STX8: variants seen among roughly 807,000 people sequenced by gnomAD.
STX8 encodes syntaxin-8.
A neutral mutation model predicts 37.5 loss-of-function variants in STX8; 23 were observed. The observed-to-expected ratio is 0.61, with a 90% CI of 0.44 to 0.87. The LOEUF (loss-of-function observed/expected upper bound fraction) is 0.87, where lower values mean the gene tolerates loss of function less well. STX8 is among the 40% of genes least tolerant of loss of function. The pLI is 0.00. For synonymous variants in STX8, 115 were observed against 99.1 expected (o/e 1.16, Z -0.95); for missense variants, 313 against 284.7 (o/e 1.10, Z -0.71).
At chr17:9,560,288 C>T (rs1273711193) in intron 2 of STX8, among the ~76,000 whole-genome samples, 9 of 146,524 alleles carry the variant, frequency 6.1e-5, no homozygotes, top group Non-Finnish European at 1.5e-5. Flanking sequence ...ATCTCAGTTA[C>T]TGGGGAGGCT....
rs118093557 is a variant in STX8, at chr17:9,304,190, G to A, written c.644-53545C>T. Among the ~76,000 whole-genome samples, 320 of 152,074 alleles carry A rather than the reference G, an allele frequency of 2.1e-3. 1 individual carries two copies. The East Asian group carries it at 0.021, about 10-fold the overall frequency. On this transcript the variant is annotated intron_variant, in intron 7 of 7. Coordinates refer to ENST00000306357, the MANE Select transcript of STX8 (RefSeq NM_004853.3). ...AAATGGTCATTAAAATATATCCAAAGGTATTCTATTTCACTCATAAGAAAA... is the reference window on the plus strand; with the variant it reads ...AAATGGTCATTAAAATATATCCAAAAGTATTCTATTTCACTCATAAGAAAA...
intron 7 of STX8, among the ~76,000 whole-genome samples, chr17:9,323,997 T>A (rs1360978043): frequency 6.6e-6 from 1 of 152,064 alleles, no homozygotes; most frequent in Non-Finnish European, 1.5e-5. Context: ...TATTTGTGGA[T>A]CTGACATCAT....
intron 7 of STX8, among the ~76,000 whole-genome samples, chr17:9,258,385 C>T (rs1005741222): frequency 1.3e-5 from 2 of 152,250 alleles, no homozygotes; most frequent in Non-Finnish European, 2.9e-5. Context: ...AGCGTATTTA[C>T]ATTCTGATTT....
intron 6 of STX8, among the ~76,000 whole-genome samples, chr17:9,467,615 CATGAAGGTGACCAAACCA>C (rs1905670536): frequency 6.6e-6 from 1 of 152,146 alleles, no homozygotes; most frequent in South Asian, 2.1e-4. Context: ...AAAAGAACAC[CATGAAGGTGACCAAACCA>C]TGGCTTCCAT....
At chr17:9,308,787 C>G (rs1486188145) in intron 7 of STX8, among the ~76,000 whole-genome samples, 1 of 149,036 alleles carries the variant, frequency 6.7e-6, no homozygotes, top group Non-Finnish European at 1.5e-5. Flanking sequence ...GAAAGGGAAG[C>G]AGGAGAAGGT....
chr17:9,492,460 C>T (rs111962405), intron 5 of STX8, among the ~76,000 whole-genome samples: 60 of 152,268 alleles, frequency 3.9e-4, no homozygotes, highest in African/African-American at 1.4e-3. Flanking sequence ...GTTTTACTGA[C>T]GGCCGTATTT....
At chr17:9,503,964 A>C (rs1182197231) in intron 5 of STX8, among the ~76,000 whole-genome samples, 2 of 151,898 alleles carry the variant, frequency 1.3e-5, no homozygotes, top group African/African-American at 4.8e-5. Flanking sequence ...GCGTTTCACC[A>C]TGTTGGCCAG....
chr17:9,531,821 GT>G (rs5819234), intron 4 of STX8, among the ~76,000 whole-genome samples: 39,610 of 147,408 alleles, frequency 0.27, 5,244 homozygotes, highest in African/African-American at 0.31. Flanking sequence ...CAGATTTCAT[GT>G]TTTTTTTTTT....
At chr17:9,293,908 C>T (rs1245835937) in intron 7 of STX8, among the ~76,000 whole-genome samples, 4 of 150,308 alleles carry the variant, frequency 2.7e-5, no homozygotes, top group African/African-American at 9.9e-5. Context: ...ACTACAGGCA[C>T]CCGCCACCAC....
chr17:9,340,303 T>C (rs1052406433), intron 7 of STX8, among the ~76,000 whole-genome samples: 1 of 152,214 alleles, frequency 6.6e-6, no homozygotes, highest in African/African-American at 2.4e-5. Context: ...CTCTGAGCAA[T>C]TAATAGCCCT....
chr17:9,466,726 G>T (rs1905627531), intron 6 of STX8, among the ~76,000 whole-genome samples: 2 of 152,094 alleles, frequency 1.3e-5, no homozygotes, highest in Admixed American at 6.6e-5. Flanking sequence ...GCCTGGCAGG[G>T]TTACCAGGAC....
rs141845043 is a variant in STX8 at position 9,522,004 on chromosome 17, A to G, written c.324-16842T>C. Among the ~76,000 whole-genome samples the G allele has an allele frequency of 2.9e-3, 439 of 152,320 alleles. 3 individuals are homozygous for G. The highest frequency in any genetic ancestry group is 1.0e-2 in the African/African-American group (415 of 41,572). On this transcript the variant is annotated intron_variant, in intron 4 of 7. Transcript: ENST00000306357. Reference sequence around the variant, plus strand: ...AAAACCTTGATGAAACAGTTCACAGAAGAATAGAAATACAGGGTAGAAAAG... The same window carrying G: ...AAAACCTTGATGAAACAGTTCACAGGAGAATAGAAATACAGGGTAGAAAAG...
At chr17:9,478,356 G>GAACTCCTGACCTCAGGTGATCTGCCCTCC (rs1567577947) in intron 6 of STX8, among the ~76,000 whole-genome samples, 1 of 151,994 alleles carries the variant, frequency 6.6e-6, no homozygotes, top group Non-Finnish European at 1.5e-5. Flanking sequence ...GGCTGGTCTC[G>GAACTCCTGACCTCAGGTGATCTGCCCTCC]AACTCCTGAC....
chr17:9,370,385 A>G (rs929334136), intron 7 of STX8, among the ~76,000 whole-genome samples: 1 of 152,096 alleles, frequency 6.6e-6, no homozygotes, highest in Non-Finnish European at 1.5e-5. Context: ...AGACTTAGAG[A>G]GGGCAAGCAG....
chr17:9,498,448 T>C (rs956490496), intron 5 of STX8, among the ~76,000 whole-genome samples: 4 of 151,776 alleles, frequency 2.6e-5, no homozygotes, highest in Non-Finnish European at 5.9e-5. Flanking sequence ...AGTTAATCAC[T>C]ATGTTAGAAG....
intron 6 of STX8, among the ~76,000 whole-genome samples, chr17:9,397,392 G>C (rs533441575): frequency 6.6e-6 from 1 of 152,042 alleles, no homozygotes; most frequent in Non-Finnish European, 1.5e-5. Flanking sequence ...GCAAGACTCC[G>C]TGTTGAAAAA....
chr17:9,287,021 T>C (rs548074490), intron 7 of STX8, among the ~76,000 whole-genome samples: 1 of 152,254 alleles, frequency 6.6e-6, no homozygotes, highest in South Asian at 2.1e-4. Context: ...CATGTGTTGA[T>C]TTCACGTGGG....
intron 7 of STX8, among the ~76,000 whole-genome samples, chr17:9,267,461 A>G (rs1907270323): frequency 6.6e-6 from 1 of 152,126 alleles, no homozygotes; most frequent in Admixed American, 6.6e-5. Flanking sequence ...TCAGTGCTCA[A>G]TGCTGCCCAT....
At chr17:9,256,491 G>A (rs930512570) in intron 7 of STX8, among the ~76,000 whole-genome samples, 5 of 152,166 alleles carry the variant, frequency 3.3e-5, no homozygotes, top group South Asian at 4.1e-4. Flanking sequence ...GAGCCCATCC[G>A]TCAGCTTTCG....
Sources: gnomAD v4.1 joint callset for allele counts (sites outside exome capture counted in the v4.1 genomes callset) on GRCh38, gnomAD v4.1.1 for gene constraint, MANE v1.5 for transcripts, NCBI Gene and HGNC (gene_info 2026-07-23, HGNC 2026-07-21) for gene names.